PGM5: variants seen among roughly 807,000 people sequenced by gnomAD.
PGM5 encodes phosphoglucomutase-like protein 5.
PGM5 carries 23 observed loss-of-function variants against 59.2 expected under a neutral mutation model. The ratio of observed to expected loss-of-function variants is 0.39; its 90% CI spans 0.28 to 0.55. PGM5 has a LOEUF of 0.55. Among genes scored for constraint, PGM5 ranks in the 20% least tolerant of loss-of-function variants. The pLI is 0.66. For synonymous variants in PGM5, 214 were observed against 286.0 expected (o/e 0.75, Z 2.54); for missense variants, 574 against 748.3 (o/e 0.77, Z 2.72).
At position 68,437,505 on chromosome 9, in the gene PGM5, G is replaced by C. The variant is rs1823458280; in HGVS notation, c.1044-27588G>C. Among the ~76,000 whole-genome samples, 1 of 151,974 alleles carries C rather than the reference G, an allele frequency of 6.6e-6. No individual in the cohort carries two copies. On this transcript the variant is annotated intron_variant, in intron 6 of 10. Coordinates refer to ENST00000396396, the MANE Select transcript of PGM5 (RefSeq NM_021965.4). This position sits in a 1 kb window ranked among gnomAD's most constrained non-coding sequence, Gnocchi z 4.1. ...ATTACAAAGCTGCTAAACAACAAATGGTTTTTCTACAGATAGGGGATCTCT... is the reference window on the plus strand; with the variant it reads ...ATTACAAAGCTGCTAAACAACAAATCGTTTTTCTACAGATAGGGGATCTCT...
chr9:68,397,602 C>T (rs1554680146), intron 6 of PGM5: 1 of 152,232 alleles, frequency 6.6e-6, no homozygotes, highest in Non-Finnish European at 1.5e-5. Flanking sequence ...TTAAGGACCT[C>T]CTATGTCCTA....
At chr9:68,475,920 C>T (rs1396482213) in intron 7 of PGM5, among the ~76,000 whole-genome samples, 6 of 152,158 alleles carry the variant, frequency 3.9e-5, no homozygotes, top group African/African-American at 9.7e-5. Context: ...ACTCGAGAGG[C>T]TGAAGTGGGA....
chr9:68,432,528 G>T (rs993420750), intron 6 of PGM5, among the ~76,000 whole-genome samples: 3 of 151,896 alleles, frequency 2.0e-5, no homozygotes, highest in South Asian at 4.1e-4. Context: ...AAAAATTGAC[G>T]TTATATTTAC....
rs149125326 is a variant in PGM5, at chr9:68,471,957, T to C, written c.1159+6749T>C. Among the ~76,000 whole-genome samples, 131 of 144,762 alleles carry C rather than the reference T, an allele frequency of 9.0e-4. 1 individual carries two copies. Among genetic ancestry groups the C allele is most frequent in the African/African-American group, 3.2e-3 (124 of 38,304 alleles). The allele number at this position is 144,762 out of a possible 152,430, so 95.0% of individuals were successfully genotyped here. ...AATTCTTAGAGTCCTATTGTTCCTA[T>C]CTGCCTTGGTGACAAAAAAAAAAAA... On this transcript the variant is annotated intron_variant, in intron 7 of 10. Transcript: ENST00000396396.
intron 10 of PGM5, among the ~76,000 whole-genome samples, chr9:68,526,449 T>A (rs150248151): frequency 6.6e-6 from 1 of 152,356 alleles, no homozygotes; most frequent in Non-Finnish European, 1.5e-5. Flanking sequence ...GCTTGGTTGA[T>A]GAATCCAGAA....
At chr9:68,506,372 A>G (rs1554689031) in intron 10 of PGM5, among the ~76,000 whole-genome samples, 1 of 152,188 alleles carries the variant, frequency 6.6e-6, no homozygotes, top group African/African-American at 2.4e-5. Flanking sequence ...TTTTCTGTTC[A>G]TAAATGTTAT....
chr9:68,409,875 A>T (rs1400296264), intron 6 of PGM5, among the ~76,000 whole-genome samples: 4 of 144,840 alleles, frequency 2.8e-5, no homozygotes, highest in South Asian at 2.2e-4. Flanking sequence ...TAAAGTATAA[A>T]AAAAAAAAAA....
intron 6 of PGM5, among the ~76,000 whole-genome samples, chr9:68,441,633 C>T (rs1213805916): frequency 1.3e-5 from 2 of 152,136 alleles, no homozygotes; most frequent in African/African-American, 4.8e-5. Flanking sequence ...AATAACCCTA[C>T]AGCTAAAATC....
chr9:68,524,898 G>A (rs570262005), intron 10 of PGM5, among the ~76,000 whole-genome samples: 75 of 152,278 alleles, frequency 4.9e-4, no homozygotes, highest in African/African-American at 1.6e-3. Context: ...ATCCTGTGTC[G>A]CACTGGGCTT....
chr9:68,399,636 A>ATT (rs557358893), intron 6 of PGM5, among the ~76,000 whole-genome samples: 3 of 142,988 alleles, frequency 2.1e-5, no homozygotes, highest in African/African-American at 5.1e-5. Context: ...TCCTTTGACC[A>ATT]TTTTTTTTTT....
At chr9:68,491,671 A>T (rs2132099364) in intron 9 of PGM5, among the ~76,000 whole-genome samples, 1 of 152,320 alleles carries the variant, frequency 6.6e-6, no homozygotes, top group South Asian at 2.1e-4. Flanking sequence ...CCAAACGCAT[A>T]TTCAGTACTT....
chr9:68,523,066 G>A (rs941319405), intron 10 of PGM5, among the ~76,000 whole-genome samples: 5 of 152,052 alleles, frequency 3.3e-5, no homozygotes, highest in African/African-American at 9.7e-5. Context: ...TCAAATCCCC[G>A]AGGCAAATAA....
At chr9:68,450,403 T>C (rs1350835623) in intron 6 of PGM5, among the ~76,000 whole-genome samples, 2 of 152,144 alleles carry the variant, frequency 1.3e-5, no homozygotes, top group Non-Finnish European at 2.9e-5. Context: ...GTTCTTATTA[T>C]CAAGAAAGTG....
chr9:68,413,266 T>G (rs1822965522), intron 6 of PGM5, among the ~76,000 whole-genome samples: 2 of 152,168 alleles, frequency 1.3e-5, no homozygotes, highest in Non-Finnish European at 2.9e-5. Context: ...GGGCCTCAAT[T>G]ACGAGTGTAA....
intron 6 of PGM5, among the ~76,000 whole-genome samples, chr9:68,416,393 G>C (rs1587801424): frequency 6.6e-6 from 1 of 152,272 alleles, no homozygotes; most frequent in South Asian, 2.1e-4. Context: ...GCAGGATTAA[G>C]TTTCAGTTGC....
In PGM5 at chr9:68,529,715, G is replaced by T. The variant is rs1825051378; in HGVS notation, c.*59G>T. 5 of 1,002,686 alleles carry T rather than the reference G, an allele frequency of 5.0e-6. No homozygotes were observed. The South Asian group carries it at 7.6e-5, about 15-fold the overall frequency. 62.1% of individuals were successfully genotyped at this position (1,002,686 alleles called of 1,614,324 possible). A position where few individuals can be genotyped will look rare whatever the true frequency, so the allele number is the denominator to read the frequency against. On this transcript the variant is annotated 3_prime_UTR_variant, in exon 11 of 11. Coordinates refer to ENST00000396396, the MANE Select transcript of PGM5 (RefSeq NM_021965.4). ...AGTGCTCAGCGGGAGATGCTTCACT[G>T]ATGCCTTCTTGCTACCTGTTTGTGC... is the stretch of plus-strand genomic sequence containing the variant.
intron 10 of PGM5, among the ~76,000 whole-genome samples, chr9:68,501,763 G>T (rs1363966955): frequency 6.6e-6 from 1 of 152,222 alleles, no homozygotes; most frequent in South Asian, 2.1e-4. Flanking sequence ...AAATTATTTT[G>T]CAAGAGAACA....
At chr9:68,451,592 A>G (rs553588466) in intron 6 of PGM5, among the ~76,000 whole-genome samples, 1 of 152,348 alleles carries the variant, frequency 6.6e-6, no homozygotes, top group East Asian at 1.9e-4. Context: ...CCACCACCGA[A>G]TGCTTTTGCA....
chr9:68,466,160 A>G, intron 7 of PGM5: 1 of 1,299,614 alleles, frequency 7.7e-7, no homozygotes. Flanking sequence ...CTTGTGTTTC[A>G]GTTTAGATCG....
Sources: allele counts gnomAD v4.1 joint callset (sites outside exome capture counted in the v4.1 genomes callset), GRCh38; gene constraint gnomAD v4.1.1; non-coding constraint Gnocchi (gnomAD v3.1); transcripts MANE v1.5; gene names NCBI Gene and HGNC (gene_info 2026-07-23, HGNC 2026-07-21).